Variants in DPP10 observed in about 807,000 individuals in gnomAD.
DPP10 encodes the protein inactive dipeptidyl peptidase 10.
DPP10 carries 33 observed loss-of-function variants against 120.9 expected under a neutral mutation model. The ratio of observed to expected loss-of-function variants is 0.27; its 90% confidence interval spans 0.21 to 0.37. The LOEUF (loss-of-function observed/expected upper bound fraction) is 0.37. Among genes scored for constraint, DPP10 ranks in the 10% least tolerant of loss-of-function variants. DPP10 has a pLI of 1.00. For missense variants in DPP10, 816 were observed against 942.8 expected (o/e 0.87, Z 1.76); for synonymous variants, 337 against 326.1 (o/e 1.03, Z -0.36).
intron 1 of DPP10, among the ~76,000 whole-genome samples, chr2:115,152,259 T>C (rs1573800285): frequency 6.6e-6 from 1 of 152,226 alleles, no homozygotes; most frequent in Non-Finnish European, 1.5e-5. Context: ...ATAAGCAATA[T>C]GTAAATGAAT....
intron 5 of DPP10, among the ~76,000 whole-genome samples, chr2:115,591,889 T>C (rs1321907025): frequency 6.6e-6 from 1 of 152,220 alleles, no homozygotes; most frequent in Non-Finnish European, 1.5e-5. Context: ...TAAGTTGGAT[T>C]CCTATCCTAT....
intron 1 of DPP10, among the ~76,000 whole-genome samples, chr2:115,236,002 C>T (rs746309586): frequency 1.3e-5 from 2 of 152,102 alleles, no homozygotes; most frequent in Non-Finnish European, 2.9e-5. Context: ...TAGGTCATAA[C>T]TAAAAAATTT....
intron 1 of DPP10, among the ~76,000 whole-genome samples, chr2:114,916,920 G>A (rs1694849076): frequency 6.6e-6 from 1 of 152,158 alleles, no homozygotes; most frequent in African/African-American, 2.4e-5. Flanking sequence ...AGACAAGAAT[G>A]CCCACGCTGA....
At position 114,901,221 on chromosome 2, in the gene DPP10, G is replaced by A. The variant is rs547272355; in HGVS notation, c.61-408018G>A. ...TTTGTTTGTTTTTTGTTTTTGATAC[G>A]GAGCCTGGCTCTATCACCCAGGCTG... On this transcript the variant is annotated intron_variant, in intron 1 of 25. Coordinates refer to ENST00000410059, the MANE Select transcript of DPP10 (RefSeq NM_020868.6). Among the ~76,000 whole-genome samples, 32 of 151,702 alleles carry A rather than the reference G, an allele frequency of 2.1e-4. No individual in the cohort carries two copies. The South Asian group carries it at 4.6e-3, about 22-fold the overall frequency.
chr2:114,754,893 G>A (rs1679584862), intron 1 of DPP10, among the ~76,000 whole-genome samples: 1 of 152,084 alleles, frequency 6.6e-6, no homozygotes, highest in African/African-American at 2.4e-5. Context: ...CTGGGATACT[G>A]TTTTACATGC....
intron 1 of DPP10, among the ~76,000 whole-genome samples, chr2:115,081,072 C>A (rs1412658373): frequency 2.0e-5 from 3 of 152,070 alleles, no homozygotes; most frequent in African/African-American, 7.2e-5. Context: ...TTTTTTTCCC[C>A]CAGCAGTTTC....
chr2:115,715,203 G>A (rs2092450756), intron 7 of DPP10, among the ~76,000 whole-genome samples: 1 of 151,342 alleles, frequency 6.6e-6, no homozygotes, highest in East Asian at 2.0e-4. Flanking sequence ...GCTGGGCGTG[G>A]TGGCACATGC....
At chr2:114,605,527 G>C (rs785032) in intron 1 of DPP10, among the ~76,000 whole-genome samples, 1 of 151,856 alleles carries the variant, frequency 6.6e-6, no homozygotes, top group Non-Finnish European at 1.5e-5. Flanking sequence ...TACATATAAC[G>C]CACAAATATA....
At chr2:114,664,626 CA>C (rs374561367) in intron 1 of DPP10, among the ~76,000 whole-genome samples, 26,449 of 81,518 alleles carry the variant, frequency 0.32, 5,510 homozygotes, top group African/African-American at 0.63. Flanking sequence ...GACTCCGTCT[CA>C]AAAAAAAAAA....
At chr2:115,703,262 C>T (rs552849641) in intron 7 of DPP10, among the ~76,000 whole-genome samples, 87 of 151,652 alleles carry the variant, frequency 5.7e-4, no homozygotes, top group Non-Finnish European at 1.0e-3. Context: ...GAAGGCTGTA[C>T]GCTTAAATTT....
At position 115,632,781 on chromosome 2, in the gene DPP10, G is replaced by A. The variant is rs1195818410; in HGVS notation, c.442-56906G>A. On this transcript the variant is annotated intron_variant, in intron 5 of 25. Transcript: ENST00000410059. ...AAAAAGTGGGCAAAGGATATGAACAGACACTTCTCAAAAGAAGACATTTAT... is the reference window on the plus strand; with the variant it reads ...AAAAAGTGGGCAAAGGATATGAACAAACACTTCTCAAAAGAAGACATTTAT... Among the ~76,000 whole-genome samples, 8 of 152,054 alleles carry A rather than the reference G, an allele frequency of 5.3e-5. No homozygotes were observed. The East Asian group carries it at 1.5e-3, about 29-fold the overall frequency.
intron 1 of DPP10, among the ~76,000 whole-genome samples, chr2:114,923,451 C>T (rs1695351205): frequency 1.4e-5 from 2 of 145,674 alleles, no homozygotes; most frequent in African/African-American, 2.6e-5. Context: ...AGGCGTGAGC[C>T]ACCACGCTTG....
At chr2:115,042,276 A>T (rs997448544) in intron 1 of DPP10, among the ~76,000 whole-genome samples, 3 of 149,524 alleles carry the variant, frequency 2.0e-5, no homozygotes, top group Admixed American at 1.3e-4. Flanking sequence ...TATTGTAATT[A>T]TTTTTTTTTT....
chr2:114,701,629 C>T (rs1041436783), intron 1 of DPP10, among the ~76,000 whole-genome samples: 4 of 152,004 alleles, frequency 2.6e-5, no homozygotes, highest in Non-Finnish European at 5.9e-5. Flanking sequence ...TTAGTGCCAC[C>T]CTTTGACAGA....
At chr2:114,716,844 G>A (rs1245329699) in intron 1 of DPP10, among the ~76,000 whole-genome samples, 7 of 152,098 alleles carry the variant, frequency 4.6e-5, no homozygotes, top group Admixed American at 3.9e-4. Flanking sequence ...TTTGAGGAAG[G>A]GTAACCAGTT....
intron 5 of DPP10, among the ~76,000 whole-genome samples, chr2:115,583,390 C>T (rs1043553316): frequency 6.6e-6 from 1 of 152,132 alleles, no homozygotes; most frequent in Admixed American, 6.5e-5. Flanking sequence ...ACGGAGATTG[C>T]TTGATAGTGT....
At chr2:114,689,269 TC>T (rs34965949) in intron 1 of DPP10, among the ~76,000 whole-genome samples, 71,136 of 151,258 alleles carry the variant, frequency 0.47, 16,993 homozygotes, top group South Asian at 0.59. Flanking sequence ...AGTGTGTTAT[TC>T]CCCCCCAACA....
intron 1 of DPP10, among the ~76,000 whole-genome samples, chr2:115,273,479 G>A (rs946472634): frequency 1.3e-5 from 2 of 152,096 alleles, no homozygotes; most frequent in African/African-American, 4.8e-5. Flanking sequence ...TGGGACTACA[G>A]GCGCCCGCCA....
intron 3 of DPP10, among the ~76,000 whole-genome samples, chr2:115,483,397 CCTT>C (rs1317135901): frequency 3.9e-5 from 6 of 152,022 alleles, no homozygotes. Context: ...GAAACATACT[CCTT>C]CTTCGTTCTT....
Sources: allele counts gnomAD v4.1 joint callset (sites outside exome capture counted in the v4.1 genomes callset), GRCh38; gene constraint gnomAD v4.1.1; transcripts MANE v1.5; gene names NCBI Gene and HGNC (gene_info 2026-07-23, HGNC 2026-07-21).